IFFO2: variants seen among roughly 807,000 people sequenced by gnomAD.
IFFO2 encodes intermediate filament family orphan 2.
IFFO2 carries 19 observed loss-of-function variants against 53.5 expected under a neutral mutation model. That is an observed-to-expected ratio of 0.36 (90% CI 0.25 to 0.52). The LOEUF (loss-of-function observed/expected upper bound fraction) is 0.52, where lower values mean the gene tolerates loss of function less well. Among genes scored for constraint, IFFO2 ranks in the 20% least tolerant of loss-of-function variants. The pLI, the probability that IFFO2 is intolerant of heterozygous loss-of-function variation, is 0.94. For missense variants in IFFO2, 570 were observed against 727.4 expected, an observed-to-expected ratio of 0.78 and a Z score of 2.49; for synonymous variants, 303 against 313.6, an observed-to-expected ratio of 0.97 and a Z score of 0.36.
Position 18,947,941 on chromosome 1 carries a change from C to T in IFFO2, c.665+7727G>A, listed in dbSNP as rs1936610759. ...TTTGGCAACCTCCAGGGGCATGGGA[C>T]AAGGCCACCTCCTGGGAGGAGCACT... On this transcript the variant is annotated intron_variant, in intron 1 of 8. Coordinates refer to ENST00000455833, the MANE Select transcript of IFFO2 (RefSeq NM_001136265.2). This position sits in a 1 kb window ranked among gnomAD's most constrained non-coding sequence, Gnocchi z 5.0. 6.6e-6 allele frequency among the ~76,000 whole-genome samples: 1 copy of T among 152,208 alleles called. No individual in the cohort carries two copies. Among genetic ancestry groups the T allele is most frequent in the Non-Finnish European group, 1.5e-5 (1 of 68,040 alleles).
chr1:18,913,897 C>T (rs907732376), intron 5 of IFFO2, among the ~76,000 whole-genome samples: 8 of 152,208 alleles, frequency 5.3e-5, no homozygotes, highest in Non-Finnish European at 1.2e-4. Context: ...GTGGTGCGAT[C>T]TCGGCTCACT....
intron 1 of IFFO2, among the ~76,000 whole-genome samples, chr1:18,949,438 T>C (rs189379815): frequency 4.6e-5 from 7 of 152,268 alleles, no homozygotes; most frequent in African/African-American, 1.7e-4. Flanking sequence ...AAGCAACACA[T>C]CCCTAATCCT....
chr1:18,943,725 A>G (rs1017174235), intron 1 of IFFO2, among the ~76,000 whole-genome samples: 24 of 152,330 alleles, frequency 1.6e-4, no homozygotes, highest in African/African-American at 5.5e-4. Flanking sequence ...CAGTGTCAGC[A>G]TCCCAAGACC....
chr1:18,951,377 G>C (rs983356292), intron 1 of IFFO2, among the ~76,000 whole-genome samples: 1 of 152,014 alleles, frequency 6.6e-6, no homozygotes, highest in Non-Finnish European at 1.5e-5. Context: ...ATCACCCCAG[G>C]CACCAGGAAA....
Position 18,907,097 on chromosome 1 carries a change from C to T in IFFO2, c.*1464G>A, listed in dbSNP as rs1935960149. 6.6e-6 allele frequency: 1 copy of T among 152,210 alleles called. No homozygotes were observed. The highest frequency in any genetic ancestry group is 1.5e-5 in the Non-Finnish European group (1 of 68,044). 9.4% of individuals were successfully genotyped at this position (152,210 alleles called of 1,614,324 possible). On this transcript the variant is annotated 3_prime_UTR_variant, in exon 9 of 9. Transcript: ENST00000455833. ...GGACCCAAGTTCTAGTCCTTGGGCA[C>T]ATTTTGCTACCTTGACCACTAGAGG...
Position 18,955,845 on chromosome 1 carries a change from C to A in IFFO2, c.488G>T (p.Ser163Ile), listed in dbSNP as rs1225474406. ...HYGRLPGTIW[S>I]YTQVRRTGGG... ...GCCCGTGCGCCGCACCTGCGTGTAG[C>A]TCCAGATGGTCCCGGGCAGGCGGCC... Residue 163 changes from serine to isoleucine, a missense_variant, in exon 1 of 9, where the codon AGC (serine) becomes ATC (isoleucine). Coordinates refer to ENST00000455833, the MANE Select transcript of IFFO2 (RefSeq NM_001136265.2). 2 of 1,502,322 alleles carry A rather than the reference C, an allele frequency of 1.3e-6. No individual in the cohort carries two copies. 93.1% of individuals were successfully genotyped at this position (1,502,322 alleles called of 1,614,324 possible).
Position 18,956,267 on chromosome 1 carries a change from G to C in IFFO2, c.66C>G (p.Gly22=), listed in dbSNP as rs1368731624. 13 of 825,582 alleles carry C rather than the reference G, an allele frequency of 1.6e-5. No homozygotes were observed. The highest frequency in any genetic ancestry group is 8.8e-5 in the South Asian group (2 of 22,642). 51.1% of individuals were successfully genotyped at this position (825,582 alleles called of 1,614,324 possible). ...LAFGCPPGGG[G]GGCPGGGGGG... ...CGCCGCCCCCGCCAGGGCAGCCCCC[G>C]CCGCCGCCGCCCGGCGGGCAGCCGA... Residue 22 remains glycine, a synonymous_variant, in exon 1 of 9, where the codon GGC becomes GGG. Coordinates refer to ENST00000455833, the MANE Select transcript of IFFO2 (RefSeq NM_001136265.2). This position sits in a 1 kb window ranked among gnomAD's most constrained non-coding sequence, Gnocchi z 6.4.
At chr1:18,921,234 G>A (rs1936212198) in intron 1 of IFFO2, 113 bp from the exon 2 acceptor site, 1 of 906,442 alleles carries the variant, frequency 1.1e-6, no homozygotes, top group Admixed American at 2.0e-5. Flanking sequence ...GGCAAGGAAG[G>A]TGCATTGGGG....
intron 1 of IFFO2, among the ~76,000 whole-genome samples, chr1:18,922,696 G>A (rs1398341680): frequency 6.6e-6 from 1 of 152,116 alleles, no homozygotes; most frequent in African/African-American, 2.4e-5. Context: ...CAGGGCTGGA[G>A]GGCACAGAGA....
Position 18,917,078 on chromosome 1 carries a change from G to T in IFFO2, c.964-36C>A, listed in dbSNP as rs1441739287. On this transcript the variant is annotated intron_variant, in intron 4 of 8. Coordinates refer to ENST00000455833, the MANE Select transcript of IFFO2 (RefSeq NM_001136265.2). This position sits in a 1 kb window ranked among gnomAD's most constrained non-coding sequence, Gnocchi z 5.9. Reference sequence around the variant, plus strand: ...AAGGAAGCAATCAAGGTAACTGGGGGGCTCGGCTAGGATGGAAGGTAGGGG... The same window carrying T: ...AAGGAAGCAATCAAGGTAACTGGGGTGCTCGGCTAGGATGGAAGGTAGGGG... 1 of 1,549,870 alleles carries T rather than the reference G, an allele frequency of 6.5e-7. No individual in the cohort carries two copies. The highest frequency in any genetic ancestry group is 2.0e-5 in the Admixed American group (1 of 50,938).
At chr1:18,934,622 A>G (rs1276499000) in intron 1 of IFFO2, among the ~76,000 whole-genome samples, 1 of 152,234 alleles carries the variant, frequency 6.6e-6, no homozygotes, top group African/African-American at 2.4e-5. Flanking sequence ...AGATAAAACC[A>G]ATGTAAAACC....
rs1466880234 is a variant in IFFO2, at chr1:18,926,102, A to G, written c.666-4981T>C. On this transcript the variant is annotated intron_variant, in intron 1 of 8. Coordinates refer to ENST00000455833, the MANE Select transcript of IFFO2 (RefSeq NM_001136265.2). Reference sequence around the variant, plus strand: ...GATGGATGGATGGATGGATGGATGGATTGGTTGGATGGATAGATGGATGGA... The same window carrying G: ...GATGGATGGATGGATGGATGGATGGGTTGGTTGGATGGATAGATGGATGGA... 1.1e-3 allele frequency among the ~76,000 whole-genome samples: 50 copies of G among 44,002 alleles called. 1 individual carries two copies. Among genetic ancestry groups the G allele is most frequent in the African/African-American group, 3.0e-3 (21 of 6,998 alleles). 28.9% of individuals were successfully genotyped at this position (44,002 alleles called of 152,430 possible).
At chr1:18,914,039 G>C (rs575081912) in intron 5 of IFFO2, among the ~76,000 whole-genome samples, 102 of 152,202 alleles carry the variant, frequency 6.7e-4, no homozygotes, top group South Asian at 1.7e-3. Flanking sequence ...CACCGTGTTA[G>C]CCAGGATGGT....
intron 1 of IFFO2, among the ~76,000 whole-genome samples, chr1:18,930,295 T>C (rs1029445731): frequency 6.6e-6 from 1 of 152,100 alleles, no homozygotes; most frequent in Non-Finnish European, 1.5e-5. Context: ...GGGGAGAGGC[T>C]GGGAGAATGC....
rs1478071328 is a variant in IFFO2, at chr1:18,929,608, A to G, written c.666-8487T>C. On this transcript the variant is annotated intron_variant, in intron 1 of 8. Transcript: ENST00000455833. ...TCCCCCCACTTGTTTCCTGGTGACC[A>G]AGGGGCCCTTTGCAGGGCAGCTAGC... is the stretch of plus-strand genomic sequence containing the variant. Among the ~76,000 whole-genome samples, 3 of 151,510 alleles carry G rather than the reference A, an allele frequency of 2.0e-5. No homozygotes were observed. The East Asian group carries it at 5.9e-4, about 30-fold the overall frequency.
chr1:18,915,835 G>A (rs1383834823), intron 5 of IFFO2, among the ~76,000 whole-genome samples: 6 of 152,102 alleles, frequency 3.9e-5, no homozygotes, highest in Admixed American at 2.0e-4. Flanking sequence ...GCTCAAGAAC[G>A]GCCCACAGGC....
chr1:18,913,923 TGG>T (rs1371228674), intron 5 of IFFO2, among the ~76,000 whole-genome samples: 3 of 149,876 alleles, frequency 2.0e-5, no homozygotes, highest in Non-Finnish European at 4.5e-5. Context: ...CTCCGCCCCC[TGG>T]GGTTCACGCC....
intron 5 of IFFO2, among the ~76,000 whole-genome samples, chr1:18,913,516 T>TGAG (rs1391811253): frequency 6.6e-6 from 1 of 152,240 alleles, no homozygotes; most frequent in Admixed American, 6.5e-5. Flanking sequence ...GGAGTGGGGC[T>TGAG]GAGGAGGAGC....
rs1935977612 is a variant in IFFO2, at chr1:18,908,115, A to G, written c.*446T>C. The stretch of plus-strand genomic sequence containing the variant: ...GGCTGGCTCAGGAGGAAGGGAGGGC[A>G]TAGCCCATGGCCAATCAGAGGAGCA... On this transcript the variant is annotated 3_prime_UTR_variant, in exon 9 of 9. Transcript: ENST00000455833. The G allele has an allele frequency of 1.1e-5, 2 of 185,402 alleles. No homozygotes were observed. Among genetic ancestry groups the G allele is most frequent in the African/African-American group, 4.6e-5 (2 of 43,062 alleles). The allele number at this position is 185,402 out of a possible 1,614,324, so 11.5% of individuals were successfully genotyped here. A position where few individuals can be genotyped will look rare whatever the true frequency, so the allele number is the denominator to read the frequency against.
Sources: allele counts gnomAD v4.1 joint callset (sites outside exome capture counted in the v4.1 genomes callset), GRCh38; gene constraint gnomAD v4.1.1; non-coding constraint Gnocchi (gnomAD v3.1); transcripts MANE v1.5; gene names NCBI Gene and HGNC (gene_info 2026-07-23, HGNC 2026-07-21).